The following SIPA1L2 variants were observed in gnomAD, a reference collection of about 807,000 sequenced individuals.
SIPA1L2 encodes the protein signal-induced proliferation-associated 1-like protein 2.
Under a neutral mutation model 163.9 loss-of-function variants are expected in SIPA1L2, and 56 were observed. That is an observed-to-expected ratio of 0.34 (90% CI 0.28 to 0.43). The LOEUF (loss-of-function observed/expected upper bound fraction) is 0.43. Among genes scored for constraint, SIPA1L2 ranks in the 20% least tolerant of loss-of-function variants. The probability of loss-of-function intolerance (pLI) is 1.00; values close to 1 mark genes in which losing one functional copy is unlikely to be tolerated. For missense variants in SIPA1L2, 1,974 were observed against 2,193.5 expected (o/e 0.90, Z 2.00); for synonymous variants, 877 against 865.7 (o/e 1.01, Z -0.23).
intron 1 of SIPA1L2, among the ~76,000 whole-genome samples, chr1:232,590,073 C>T (rs182574223): frequency 6.6e-5 from 10 of 152,242 alleles, no homozygotes; most frequent in Admixed American, 5.2e-4. Context: ...AGTGTGCCTG[C>T]AATCCAGCAA....
chr1:232,484,773 G>C (rs1299724054), intron 5 of SIPA1L2, among the ~76,000 whole-genome samples: 1 of 152,160 alleles, frequency 6.6e-6, no homozygotes, highest in Non-Finnish European at 1.5e-5. Flanking sequence ...AAGAGGAACT[G>C]CTTCTAACTC....
At chr1:232,441,426 C>A in intron 13 of SIPA1L2, 32 bp from the exon 14 acceptor site, 1 of 1,536,758 alleles carries the variant, frequency 6.5e-7, no homozygotes, top group Non-Finnish European at 8.9e-7. Flanking sequence ...GTTGAATTTC[C>A]AATTTCCAGT....
In SIPA1L2 at chr1:232,398,873, C is replaced by T; in HGVS notation, c.*254G>A. Reference sequence around the variant, plus strand: ...AGCAGAGTCTAAAAGAAAAAGGTCTCAACTGTCGCCAGGGTTTACATTCAT... The same window carrying T: ...AGCAGAGTCTAAAAGAAAAAGGTCTTAACTGTCGCCAGGGTTTACATTCAT... On this transcript the variant is annotated 3_prime_UTR_variant, in exon 23 of 23. Transcript: ENST00000674635. 4.5e-6 allele frequency: 2 copies of T among 446,848 alleles called. No homozygotes were observed. The highest frequency in any genetic ancestry group is 5.9e-5 in the South Asian group (2 of 33,748). The allele number at this position is 446,848 out of a possible 1,614,324, so 27.7% of individuals were successfully genotyped here.
intron 2 of SIPA1L2, among the ~76,000 whole-genome samples, chr1:232,521,069 TGAAA>T (rs2103059978): frequency 6.6e-6 from 1 of 152,300 alleles, no homozygotes; most frequent in South Asian, 2.1e-4. Flanking sequence ...GATCTGAACA[TGAAA>T]ATAAGTTCTT....
Position 232,433,081 on chromosome 1 carries a change from G to A in SIPA1L2, c.4032-610C>T, listed in dbSNP as rs117381969. Among the ~76,000 whole-genome samples the A allele has an allele frequency of 7.2e-5, 11 of 152,272 alleles. No homozygotes were observed. In the East Asian group the frequency reaches 1.7e-3, roughly 24 times the overall value. On this transcript the variant is annotated intron_variant, in intron 15 of 22. Transcript: ENST00000674635. Reference sequence around the variant, plus strand: ...CACACACAGCAAACCCCTGCTGCACGTGCAACTGTCAACATGGAACAATGT... The same window carrying A: ...CACACACAGCAAACCCCTGCTGCACATGCAACTGTCAACATGGAACAATGT...
At chr1:232,542,644 G>A (rs1002581675) in intron 2 of SIPA1L2, among the ~76,000 whole-genome samples, 7 of 152,060 alleles carry the variant, frequency 4.6e-5, no homozygotes, top group Non-Finnish European at 7.3e-5. Flanking sequence ...TCTCCAAGAC[G>A]CCAGGGGCTA....
intron 19 of SIPA1L2, among the ~76,000 whole-genome samples, chr1:232,412,993 T>C (rs1661047113): frequency 6.6e-6 from 1 of 152,218 alleles, no homozygotes; most frequent in South Asian, 2.1e-4. Context: ...GGCATTCATG[T>C]ACCTGAGGGC....
At chr1:232,563,955 T>TTTTTTTTTGTGTGTG (rs1558270699) in intron 2 of SIPA1L2, among the ~76,000 whole-genome samples, 1 of 116,700 alleles carries the variant, frequency 8.6e-6, no homozygotes, top group African/African-American at 4.0e-5. Context: ...TTTTTTTTTT[T>TTTTTTTTTGTGTGTG]CGTGTGTGTG....
chr1:232,467,336 G>C (rs748138215), intron 8 of SIPA1L2, among the ~76,000 whole-genome samples: 1 of 152,084 alleles, frequency 6.6e-6, no homozygotes, highest in African/African-American at 2.4e-5. Flanking sequence ...CTTGACTTAC[G>C]GGCTTAAATG....
intron 2 of SIPA1L2, among the ~76,000 whole-genome samples, chr1:232,573,229 G>A (rs892335052): frequency 2.6e-5 from 4 of 152,166 alleles, no homozygotes; most frequent in Non-Finnish European, 4.4e-5. Flanking sequence ...CCTATATGGA[G>A]GGGAATGATG....
intron 3 of SIPA1L2, among the ~76,000 whole-genome samples, chr1:232,509,029 T>G (rs1391428090): frequency 1.3e-5 from 2 of 152,184 alleles, no homozygotes; most frequent in Non-Finnish European, 2.9e-5. Context: ...GAGGCAGAGG[T>G]TGCAGTGAGC....
intron 1 of SIPA1L2, among the ~76,000 whole-genome samples, chr1:232,598,311 G>A (rs1375162425): frequency 6.6e-6 from 1 of 152,076 alleles, no homozygotes; most frequent in Non-Finnish European, 1.5e-5. Context: ...AAGACAAAGT[G>A]GAAGGATTGC....
chr1:232,621,218 A>G (rs181069613), intron 1 of SIPA1L2, among the ~76,000 whole-genome samples: 1 of 152,344 alleles, frequency 6.6e-6, no homozygotes, highest in Admixed American at 6.5e-5. Context: ...TTAATAACAG[A>G]CAATTCACTG....
intron 8 of SIPA1L2, among the ~76,000 whole-genome samples, chr1:232,468,029 C>T (rs1424842894): frequency 6.6e-6 from 1 of 152,096 alleles, no homozygotes; most frequent in Admixed American, 6.5e-5. Flanking sequence ...CAAAGTTGTA[C>T]AAGAAAACCA....
chr1:232,399,180 G>T lies in SIPA1L2; in HGVS notation c.5116C>A (p.Gln1706Lys), dbSNP rs1456397937. The change falls in exon 23 of 23, where the codon CAG becomes AAG. Residue 1706 changes from glutamine to lysine, a missense_variant. Transcript: ENST00000674635. ...LQEESQTATA[Q>K]LRKFTEWFFT... The stretch of plus-strand genomic sequence containing the variant: ...AACCATTCTGTGAATTTCCGCAGCT[G>T]AGCTGTCGCGGTCTGGGACTCCTCC... 2.5e-6 allele frequency: 4 copies of T among 1,613,966 alleles called. No homozygotes were observed. The South Asian group carries it at 3.3e-5, about 13-fold the overall frequency.
intron 2 of SIPA1L2, among the ~76,000 whole-genome samples, chr1:232,545,893 T>C (rs1375526556): frequency 2.6e-5 from 4 of 152,178 alleles, no homozygotes; most frequent in Admixed American, 2.6e-4. Flanking sequence ...CCTTTAAGAG[T>C]TAAACATATA....
chr1:232,488,017 G>A (rs1051342989), intron 5 of SIPA1L2, among the ~76,000 whole-genome samples: 2 of 151,826 alleles, frequency 1.3e-5, no homozygotes, highest in African/African-American at 4.8e-5. Flanking sequence ...GCAGTGGTGC[G>A]ATCTTGGCTC....
chr1:232,475,498 T>C (rs1261613743), intron 7 of SIPA1L2, among the ~76,000 whole-genome samples: 1 of 152,190 alleles, frequency 6.6e-6, no homozygotes, highest in Non-Finnish European at 1.5e-5. Flanking sequence ...TAGAGTTTCC[T>C]ACGGAAAAAG....
chr1:232,618,451 C>T (rs550100741), intron 1 of SIPA1L2, among the ~76,000 whole-genome samples: 3 of 152,190 alleles, frequency 2.0e-5, no homozygotes, highest in Non-Finnish European at 4.4e-5. Context: ...GTCAGGAGTT[C>T]GAGACCAGCC....
Sources: gnomAD v4.1 joint callset for allele counts (sites outside exome capture counted in the v4.1 genomes callset) on GRCh38, gnomAD v4.1.1 for gene constraint, MANE v1.5 for transcripts, NCBI Gene and HGNC (gene_info 2026-07-23, HGNC 2026-07-21) for gene names.